The following CCDC7 variants were observed in gnomAD, a reference collection of about 807,000 sequenced individuals.
CCDC7 encodes coiled-coil domain containing 7.
CCDC7 carries 183 observed loss-of-function variants against 196.9 expected under a neutral mutation model. The observed-to-expected ratio is 0.93, with a 90% CI of 0.82 to 1.05. The LOEUF (loss-of-function observed/expected upper bound fraction) is 1.05, where lower values mean the gene tolerates loss of function less well. CCDC7 is among the 50% of genes least tolerant of loss of function. The pLI is 0.00. For synonymous variants in CCDC7, 525 were observed against 484.6 expected (o/e 1.08, Z -1.10); for missense variants, 1,540 against 1,482.2 (o/e 1.04, Z -0.64).
intron 29 of CCDC7, among the ~76,000 whole-genome samples, chr10:32,785,991 T>C (rs2081805709): frequency 1.3e-5 from 2 of 152,190 alleles, no homozygotes; most frequent in Non-Finnish European, 2.9e-5. Flanking sequence ...CTCAGCCTTA[T>C]TTCTGGGCTC....
chr10:32,648,798 C>T lies in CCDC7; in HGVS notation c.2014+13640C>T, dbSNP rs1279144248. 2.0e-5 allele frequency among the ~76,000 whole-genome samples: 3 copies of T among 152,190 alleles called. No individual in the cohort carries two copies. In the East Asian group the frequency reaches 5.8e-4, roughly 29 times the overall value. ...AATTTTTTTTCATGTTTGTTGGCCA[C>T]ATGTATATATTCCTTTGAGAAGTGT... On this transcript the variant is annotated intron_variant, in intron 20 of 41. Transcript: ENST00000639629.
At chr10:32,769,482 A>ATTC (rs138798169) in intron 28 of CCDC7, among the ~76,000 whole-genome samples, 6,910 of 151,700 alleles carry the variant, frequency 0.046, 523 homozygotes, top group African/African-American at 0.16. Flanking sequence ...TATTATTATT[A>ATTC]TTTCTTTTTG....
chr10:32,745,326 A>G (rs2074531096), intron 28 of CCDC7, among the ~76,000 whole-genome samples: 1 of 152,170 alleles, frequency 6.6e-6, no homozygotes. Context: ...AGGATGGGTA[A>G]TTTATAAAGA....
At chr10:32,802,536 A>G (rs952324977) in intron 29 of CCDC7, among the ~76,000 whole-genome samples, 3 of 152,184 alleles carry the variant, frequency 2.0e-5, no homozygotes, top group African/African-American at 4.8e-5. Context: ...CAAAATCTGT[A>G]TTAGGGTTCT....
exon 1 of CCDC7, chr10:32,451,710 A>T: frequency 6.2e-7 from 1 of 1,614,018 alleles, no homozygotes. Flanking sequence ...TTAACTACTA[A>T]AAAAGGACTA....
rs558823840 is a variant in CCDC7 at position 32,616,998 on chromosome 10, G to GT, written c.1802-17250dup. 3.8e-3 allele frequency among the ~76,000 whole-genome samples: 581 copies of GT among 151,338 alleles called. 4 individuals carry two copies. The highest frequency in any genetic ancestry group is 0.013 in the African/African-American group (554 of 41,426). ...ATTATTGGTCTGTTTGAGAGTTTTA[G>GT]TTTTTTCTGGTTCGATATTGGGTGT... On this transcript the variant is annotated intron_variant, in intron 18 of 41. Transcript: ENST00000639629.
chr10:32,549,229 T>C (rs572098996), intron 13 of CCDC7, among the ~76,000 whole-genome samples: 140 of 152,336 alleles, frequency 9.2e-4, no homozygotes, highest in African/African-American at 3.1e-3. Context: ...AATTGTCTAT[T>C]CACGTTCTTA....
intron 33 of CCDC7, among the ~76,000 whole-genome samples, chr10:32,844,942 A>G (rs1353075386): frequency 2.6e-5 from 4 of 151,874 alleles, no homozygotes; most frequent in Non-Finnish European, 5.9e-5. Context: ...TTATTTCTAT[A>G]GAGACTAATA....
intron 13 of CCDC7, among the ~76,000 whole-genome samples, chr10:32,554,339 T>G (rs1261582992): frequency 3.9e-5 from 6 of 152,210 alleles, no homozygotes; most frequent in Non-Finnish European, 8.8e-5. Context: ...CCAGGAGGTT[T>G]CTTGCCCTGT....
intron 28 of CCDC7, among the ~76,000 whole-genome samples, chr10:32,770,870 C>T (rs1399211093): frequency 6.6e-6 from 1 of 151,890 alleles, no homozygotes; most frequent in Non-Finnish European, 1.5e-5. Context: ...ACTGTTGTTG[C>T]TTTGAAGTAT....
intron 17 of CCDC7, among the ~76,000 whole-genome samples, chr10:32,583,581 T>G (rs543650590): frequency 1.6e-4 from 24 of 152,166 alleles, no homozygotes; most frequent in Non-Finnish European, 2.9e-4. Flanking sequence ...AGATATGTCA[T>G]TCTGAGATAA....
At chr10:32,728,944 A>G in exon 27 of CCDC7, 2 of 1,610,100 alleles carry the variant, frequency 1.2e-6, no homozygotes, top group African/African-American at 2.7e-5. Context: ...TCAAAGTCAA[A>G]ACTCCAAATG....
intron 24 of CCDC7, among the ~76,000 whole-genome samples, chr10:32,702,619 G>T (rs192492778): frequency 0.04 from 6,046 of 152,172 alleles, 127 homozygotes; most frequent in Middle Eastern, 0.051. Flanking sequence ...TGACAGTGGG[G>T]TGTTAAAGTC....
chr10:32,856,556 G>A (rs114594611), intron 41 of CCDC7, among the ~76,000 whole-genome samples: 248 of 152,180 alleles, frequency 1.6e-3, no homozygotes, highest in Middle Eastern at 0.014. Context: ...TTGCACTGCT[G>A]CACACCCCCC....
At chr10:32,512,663 A>G (rs989074024) in intron 9 of CCDC7, 2 of 152,224 alleles carry the variant, frequency 1.3e-5, no homozygotes, top group African/African-American at 4.8e-5. Context: ...TCAAAATTGA[A>G]GCAAAGTTAC....
chr10:32,584,487 G>C (rs2059040654), intron 18 of CCDC7, among the ~76,000 whole-genome samples, 183 bp downstream of exon 19: 1 of 112,362 alleles, frequency 8.9e-6, no homozygotes, highest in Admixed American at 8.7e-5. Context: ...GCCAGGCGTG[G>C]TGGCTCATGC....
intron 27 of CCDC7, 25 bp from the exon 29 acceptor site, chr10:32,729,307 T>C: frequency 6.5e-7 from 1 of 1,535,820 alleles, no homozygotes; most frequent in Non-Finnish European, 8.8e-7. Flanking sequence ...GAAGTTCTAT[T>C]GCACATCTAT....
chr10:32,852,074 T>A, intron 40 of CCDC7, 142 bp downstream of exon 41: 1 of 775,670 alleles, frequency 1.3e-6, no homozygotes, highest in Non-Finnish European at 1.9e-6. Context: ...TAAGTGCACC[T>A]AACATTTGTT....
At chr10:32,808,073 T>G (rs1311655851) in intron 30 of CCDC7, among the ~76,000 whole-genome samples, 2 of 152,090 alleles carry the variant, frequency 1.3e-5, no homozygotes, top group Non-Finnish European at 2.9e-5. Context: ...CACAGTTGGA[T>G]GCACCCTGAG....
Sources: gnomAD v4.1 joint callset for allele counts (sites outside exome capture counted in the v4.1 genomes callset) on GRCh38, gnomAD v4.1.1 for gene constraint, MANE v1.5 for transcripts, NCBI Gene and HGNC (gene_info 2026-07-23, HGNC 2026-07-21) for gene names.